The following UBR2 variants were observed in gnomAD, a reference collection of about 807,000 sequenced individuals.
UBR2 encodes ubiquitin protein ligase E3 component n-recognin 2.
UBR2 carries 92 observed loss-of-function variants against 247.9 expected under a neutral mutation model. That is an observed-to-expected ratio of 0.37 (90% CI 0.31 to 0.44). UBR2 has a LOEUF of 0.44. Ranked by LOEUF, UBR2 falls within the 20% of genes least tolerant of loss-of-function variation. UBR2 has a pLI of 1.00. For synonymous variants in UBR2, 672 were observed against 693.5 expected, an observed-to-expected ratio of 0.97 and a Z score of 0.49; for missense variants, 1,613 against 2,112.6, an observed-to-expected ratio of 0.76 and a Z score of 4.64.
chr6:42,667,872 C>A (rs757103404), intron 34 of UBR2, among the ~76,000 whole-genome samples: 8 of 151,390 alleles, frequency 5.3e-5, no homozygotes, highest in Non-Finnish European at 1.0e-4. Flanking sequence ...AATTCTCCTG[C>A]CTCAGCCTCC....
chr6:42,652,003 A>G lies in UBR2; in HGVS notation c.2566-20A>G. On this transcript the variant is annotated intron_variant, in intron 23 of 46. Coordinates refer to ENST00000372901, the MANE Select transcript of UBR2 (RefSeq NM_001363705.2). ...TGGGCATTACTAATTCCCGGTCCAA[A>G]TAACTTTATTTTTTATTAGGCAGAA... The G allele has an allele frequency of 6.3e-7, 1 of 1,580,834 alleles. No homozygotes were observed. The highest frequency in any genetic ancestry group is 1.2e-5 in the South Asian group (1 of 85,068).
chr6:42,583,269 G>A (rs1442894994), intron 2 of UBR2, among the ~76,000 whole-genome samples: 1 of 151,940 alleles, frequency 6.6e-6, no homozygotes, highest in Non-Finnish European at 1.5e-5. Flanking sequence ...TATTTTTTGA[G>A]ACAGTTTTGC....
chr6:42,617,208 G>A (rs1582547137), intron 10 of UBR2: 2 of 1,596,602 alleles, frequency 1.3e-6, no homozygotes, highest in African/African-American at 1.3e-5. Flanking sequence ...GGTCATTGTG[G>A]ATTAGAGGTG....
At chr6:42,581,617 G>A (rs561076739) in intron 2 of UBR2, among the ~76,000 whole-genome samples, 1 of 152,304 alleles carries the variant, frequency 6.6e-6, no homozygotes, top group East Asian at 1.9e-4. Flanking sequence ...ATGAGCTACT[G>A]CGCCCACCCT....
At position 42,689,765 on chromosome 6, in the gene UBR2, A is replaced by G. The variant is rs1439079785; in HGVS notation, c.5126+95A>G. On this transcript the variant is annotated intron_variant, in intron 46 of 46. Coordinates refer to ENST00000372901, the MANE Select transcript of UBR2 (RefSeq NM_001363705.2). This position sits in a 1 kb window ranked among gnomAD's most constrained non-coding sequence, Gnocchi z 4.0. ...GGTGGAGGGCTGAGGTGGTTCTGGA[A>G]GAGGTGGCTGTGTTATCTGTGGAGT... The G allele has an allele frequency of 2.7e-6, 3 of 1,120,340 alleles. No individual in the cohort carries two copies. The highest frequency in any genetic ancestry group is 1.5e-5 in the African/African-American group (1 of 64,916). The allele number at this position is 1,120,340 out of a possible 1,614,324, so 69.4% of individuals were successfully genotyped here.
At chr6:42,603,535 T>C (rs1793514770) in intron 4 of UBR2, 53 bp from the exon 5 acceptor site, 4 of 1,443,424 alleles carry the variant, frequency 2.8e-6, no homozygotes, top group Non-Finnish European at 1.8e-6. Flanking sequence ...TGAAAATTAA[T>C]GTACATGATT....
chr6:42,659,261 C>G lies in UBR2; in HGVS notation c.3243-395C>G, dbSNP rs1431704170. Among the ~76,000 whole-genome samples the G allele has an allele frequency of 6.6e-6, 1 of 151,854 alleles. No individual in the cohort carries two copies. Among genetic ancestry groups the G allele is most frequent in the Non-Finnish European group, 1.5e-5 (1 of 67,990 alleles). ...CTGTAATCCCAGCACTTCGGGAGGC[C>G]AAGGCGGGCGGATCACAAGGTGAGG... is the stretch of plus-strand genomic sequence containing the variant. On this transcript the variant is annotated intron_variant, in intron 29 of 46. Coordinates refer to ENST00000372901, the MANE Select transcript of UBR2 (RefSeq NM_001363705.2). This position sits in a 1 kb window ranked among gnomAD's most constrained non-coding sequence, Gnocchi z 4.3.
At chr6:42,632,220 A>G (rs1433795109) in intron 11 of UBR2, among the ~76,000 whole-genome samples, 1 of 151,882 alleles carries the variant, frequency 6.6e-6, no homozygotes, top group Non-Finnish European at 1.5e-5. Flanking sequence ...TAACTATACC[A>G]TACCATTATA....
chr6:42,645,502 C>G lies in UBR2; in HGVS notation c.2321C>G (p.Ala774Gly). ...AGTCCTGGAGTTGGACAGGTAAATG[C>G]TACAGATGAAATCAAGCGAGAGATT... ...RFSPGVGQVNATDEIKREIIH... is the reference protein window; with the variant it reads ...RFSPGVGQVNGTDEIKREIIH... The change falls in exon 21 of 47, where the codon GCT becomes GGT. Residue 774 changes from alanine to glycine, a missense_variant. Around this residue, in one of 3 missense-constraint regions of UBR2, gnomAD observed 1,524 missense variants for 1,967.3 expected, o/e 0.77. Coordinates refer to ENST00000372901, the MANE Select transcript of UBR2 (RefSeq NM_001363705.2). 9.3e-6 allele frequency: 15 copies of G among 1,613,834 alleles called. No individual in the cohort carries two copies. The highest frequency in any genetic ancestry group is 1.3e-5 in the Non-Finnish European group (15 of 1,179,856).
At chr6:42,588,581 C>G (rs1387990170) in intron 2 of UBR2, among the ~76,000 whole-genome samples, 1 of 152,210 alleles carries the variant, frequency 6.6e-6, no homozygotes, top group Non-Finnish European at 1.5e-5. Context: ...GGGAGGATTG[C>G]TCAAACCCAG....
In UBR2 at chr6:42,592,128, ATT is replaced by A. The variant is rs3834849; in HGVS notation, c.339-12_339-11del. On this transcript the variant is annotated intron_variant, in intron 2 of 46. Coordinates refer to ENST00000372901, the MANE Select transcript of UBR2 (RefSeq NM_001363705.2). ...TATATAGTTATTTTCTGACACTTTG[ATT>A]TTTTTTTTTTAACTTTACAGAGACT... The A allele has an allele frequency of 6.6e-3, 7,774 of 1,184,756 alleles. 227 individuals are homozygous for A. The African/African-American group carries it at 0.092, about 14-fold the overall frequency. 73.4% of individuals were successfully genotyped at this position (1,184,756 alleles called of 1,614,324 possible).
Position 42,615,120 on chromosome 6 carries a change from T to C in UBR2, c.1035T>C (p.Asp345=), listed in dbSNP as rs1409280451. Reference sequence around the variant, plus strand: ...AAGTTGGTTTACAAGAAGGGCCAGATGGTGAAAACTCTTCTCTAGTGGACA... The same window carrying C: ...AAGTTGGTTTACAAGAAGGGCCAGACGGTGAAAACTCTTCTCTAGTGGACA... The part of the protein sequence containing the change: ...LCQVGLQEGP[D]GENSSLVDRL... The change falls in exon 9 of 47, where the codon GAT becomes GAC. Residue 345 remains aspartate, a synonymous_variant. Transcript: ENST00000372901. The C allele has an allele frequency of 2.5e-6, 4 of 1,613,804 alleles. No homozygotes were observed. Among genetic ancestry groups the C allele is most frequent in the Admixed American group, 1.7e-5 (1 of 59,962 alleles).
At position 42,670,181 on chromosome 6, in the gene UBR2, A is replaced by G; in HGVS notation, c.3971A>G (p.Glu1324Gly). ...GGACTAAAGGTTCATCCCAATGAAG[A>G]GGATCCTCGTGTTCCCATAATGTGT... The part of the protein sequence containing the change: ...KVGLKVHPNE[E>G]DPRVPIMCWG... Residue 1324 changes from glutamate (E) to glycine (G), a missense_variant, in exon 35 of 47, where the codon GAG (glutamate) becomes GGG (glycine). Transcript: ENST00000372901. 1.2e-6 allele frequency: 2 copies of G among 1,614,194 alleles called. No individual in the cohort carries two copies. Among genetic ancestry groups the G allele is most frequent in the Non-Finnish European group, 1.7e-6 (2 of 1,180,024 alleles).
intron 4 of UBR2, among the ~76,000 whole-genome samples, chr6:42,602,607 T>G (rs578139546): frequency 2.9e-4 from 43 of 149,764 alleles, no homozygotes; most frequent in African/African-American, 4.2e-4. Context: ...ATATGTGTTT[T>G]TGTGTGTGTG....
intron 1 of UBR2, among the ~76,000 whole-genome samples, chr6:42,570,649 T>C (rs1212285309): frequency 6.6e-6 from 1 of 151,900 alleles, no homozygotes. Flanking sequence ...GTTTTACTAA[T>C]AATATTTTTA....
At position 42,632,069 on chromosome 6, in the gene UBR2, A is replaced by ATATATATAT. The variant is rs1554254887; in HGVS notation, c.1282-483_1282-482insTATATATAT. Among the ~76,000 whole-genome samples, 136 of 114,070 alleles carry ATATATATAT rather than the reference A, an allele frequency of 1.2e-3. 1 individual carries two copies. The highest frequency in any genetic ancestry group is 4.4e-3 in the African/African-American group (129 of 29,618). 74.8% of individuals were successfully genotyped at this position (114,070 alleles called of 152,430 possible). A position where few individuals can be genotyped will look rare whatever the true frequency, so the allele number is the denominator to read the frequency against. On this transcript the variant is annotated intron_variant, in intron 11 of 46. Transcript: ENST00000372901. The stretch of plus-strand genomic sequence containing the variant: ...TATTTGCTTATTTAAAAAAAAAAAA[A>ATATATATAT]ATATATATATATATATATATATGTA...
chr6:42,614,428 A>G lies in UBR2; in HGVS notation c.986-643A>G, dbSNP rs10948040. Among the ~76,000 whole-genome samples the G allele has an allele frequency of 2.3e-4, 33 of 143,830 alleles. 1 individual carries two copies. Among genetic ancestry groups the G allele is most frequent in the African/African-American group, 3.4e-4 (13 of 38,206 alleles). 94.4% of individuals were successfully genotyped at this position (143,830 alleles called of 152,430 possible). On this transcript the variant is annotated intron_variant, in intron 8 of 46. Coordinates refer to ENST00000372901, the MANE Select transcript of UBR2 (RefSeq NM_001363705.2). Reference sequence around the variant, plus strand: ...CGTATGTATGTACGTACGTACATATATATGTATGTACGTACATATATATGT... The same window carrying G: ...CGTATGTATGTACGTACGTACATATGTATGTATGTACGTACATATATATGT...
In UBR2 at chr6:42,568,612, C is replaced by T. The variant is rs1470029498; in HGVS notation, c.78+4215C>T. ...GGGCGTGGTGGCAGGCGCCTGTGGT[C>T]CCAGCTACTTGGGAGGCTGAGGCAG... is the stretch of plus-strand genomic sequence containing the variant. On this transcript the variant is annotated intron_variant, in intron 1 of 46. Coordinates refer to ENST00000372901, the MANE Select transcript of UBR2 (RefSeq NM_001363705.2). Among the ~76,000 whole-genome samples, 10 of 152,042 alleles carry T rather than the reference C, an allele frequency of 6.6e-5. No individual in the cohort carries two copies. In the East Asian group the frequency reaches 1.9e-3, roughly 29 times the overall value.
In UBR2 at chr6:42,644,831, G is replaced by A. The variant is rs116051599; in HGVS notation, c.2284+295G>A. The stretch of plus-strand genomic sequence containing the variant: ...GGGGACAGGAGAATTTAGCAATCAA[G>A]GAATAGGATATTTAAGATCTATTTA... On this transcript the variant is annotated intron_variant, in intron 20 of 46. Transcript: ENST00000372901. 4.5e-3 allele frequency among the ~76,000 whole-genome samples: 684 copies of A among 152,116 alleles called. 3 individuals carry two copies. Among genetic ancestry groups the A allele is most frequent in the African/African-American group, 0.014 (564 of 41,492 alleles).
Sources: gnomAD v4.1 joint callset for allele counts (sites outside exome capture counted in the v4.1 genomes callset) on GRCh38, gnomAD v4.1.1 for gene constraint, gnomAD v4.1.1 regional missense constraint, Gnocchi (gnomAD v3.1) non-coding constraint, MANE v1.5 for transcripts, NCBI Gene and HGNC (gene_info 2026-07-23, HGNC 2026-07-21) for gene names.